GRIA4: variants seen among roughly 807,000 people sequenced by gnomAD.
GRIA4 encodes glutamate ionotropic receptor AMPA type subunit 4.
In GRIA4, 34 loss-of-function variants were observed where a neutral mutation model predicts 104.0. The observed-to-expected ratio is 0.33, with a 90% CI of 0.25 to 0.44. GRIA4 has a LOEUF of 0.44. Among genes scored for constraint, GRIA4 ranks in the 20% least tolerant of loss-of-function variants. The pLI is 1.00. For missense variants in GRIA4, 750 were observed against 1,096.5 expected, an observed-to-expected ratio of 0.68 and a Z score of 4.46; for synonymous variants, 386 against 381.9, an observed-to-expected ratio of 1.01 and a Z score of -0.13.
chr11:105,820,761 T>A lies in GRIA4; in HGVS notation c.488-41263T>A, dbSNP rs144942377. 4.9e-4 allele frequency among the ~76,000 whole-genome samples: 74 copies of A among 152,256 alleles called. 4 individuals carry two copies. The highest frequency in any genetic ancestry group is 1.7e-3 in the African/African-American group (70 of 41,560). ...GTCAATTTCACTGAATTTTAAGATCTTTAGAGACAGGGTCAGAAATGTAAT... is the reference window on the plus strand; with the variant it reads ...GTCAATTTCACTGAATTTTAAGATCATTAGAGACAGGGTCAGAAATGTAAT... On this transcript the variant is annotated intron_variant, in intron 4 of 16. Coordinates refer to ENST00000282499, the MANE Select transcript of GRIA4 (RefSeq NM_000829.4).
At chr11:105,913,516 T>G (rs1947316054) in intron 10 of GRIA4, 1 of 735,120 alleles carries the variant, frequency 1.4e-6, no homozygotes, top group African/African-American at 1.9e-5. Flanking sequence ...ACCATATTGA[T>G]TTAACTTTTT....
At chr11:105,944,963 C>T (rs1172884947) in intron 14 of GRIA4, among the ~76,000 whole-genome samples, 2 of 152,184 alleles carry the variant, frequency 1.3e-5, no homozygotes, top group Non-Finnish European at 2.9e-5. Flanking sequence ...CAGCTAATGA[C>T]CATTTAATTC....
intron 3 of GRIA4, among the ~76,000 whole-genome samples, chr11:105,660,356 T>C (rs1469059344): frequency 2.0e-5 from 3 of 151,692 alleles, no homozygotes; most frequent in African/African-American, 4.8e-5. Context: ...ATAAAAAGTA[T>C]TGAATGTCCA....
chr11:105,851,818 A>G (rs1221197956), intron 4 of GRIA4, among the ~76,000 whole-genome samples: 3 of 151,976 alleles, frequency 2.0e-5, no homozygotes, highest in African/African-American at 7.2e-5. Context: ...CCTTTCCCTT[A>G]TTTTCCTTCA....
intron 3 of GRIA4, among the ~76,000 whole-genome samples, chr11:105,675,590 A>G (rs1455133634): frequency 2.0e-5 from 3 of 151,662 alleles, no homozygotes; most frequent in Non-Finnish European, 4.4e-5. Context: ...TCTTTGACCT[A>G]TTTTCTTAAG....
chr11:105,673,436 A>T (rs1333598174), intron 3 of GRIA4, among the ~76,000 whole-genome samples: 3 of 152,148 alleles, frequency 2.0e-5, no homozygotes, highest in Non-Finnish European at 4.4e-5. Context: ...AATATGTGAA[A>T]AAGAATATAG....
At chr11:105,752,383 A>T (rs532183296) in intron 3 of GRIA4, among the ~76,000 whole-genome samples, 2 of 152,262 alleles carry the variant, frequency 1.3e-5, no homozygotes, top group East Asian at 3.9e-4. Flanking sequence ...TAGCAGCCTA[A>T]CGTCTGTTTT....
intron 15 of GRIA4, among the ~76,000 whole-genome samples, chr11:105,973,283 G>A (rs1858790363): frequency 6.6e-6 from 1 of 152,146 alleles, no homozygotes; most frequent in South Asian, 2.1e-4. Context: ...CTGCTGAGAA[G>A]ATAATGACTA....
At chr11:105,775,405 A>T (rs1338576285) in intron 4 of GRIA4, among the ~76,000 whole-genome samples, 1 of 152,196 alleles carries the variant, frequency 6.6e-6, no homozygotes, top group African/African-American at 2.4e-5. Flanking sequence ...CATGCTAAAG[A>T]TACTATATAT....
intron 3 of GRIA4, among the ~76,000 whole-genome samples, chr11:105,653,632 A>T (rs1375587080): frequency 6.6e-6 from 1 of 152,228 alleles, no homozygotes; most frequent in Non-Finnish European, 1.5e-5. Flanking sequence ...TGGCCAACCA[A>T]TAAGGTTATA....
intron 4 of GRIA4, among the ~76,000 whole-genome samples, chr11:105,852,303 G>A (rs893883781): frequency 6.6e-5 from 10 of 152,070 alleles, no homozygotes; most frequent in Admixed American, 2.0e-4. Flanking sequence ...TGAAGAATCC[G>A]CAATCTACTT....
At position 105,630,671 on chromosome 11, in the gene GRIA4, CAAGT is replaced by C. The variant is rs145666846; in HGVS notation, c.247+18241_247+18244del. 4.9e-3 allele frequency among the ~76,000 whole-genome samples: 736 copies of C among 151,664 alleles called. 10 individuals are homozygous for C. The highest frequency in any genetic ancestry group is 0.017 in the African/African-American group (695 of 41,340). The stretch of plus-strand genomic sequence containing the variant: ...TGTTTTAAATCAATTTTTGAGTACC[CAAGT>C]AAGGCATTAATGAAAAAAATGATTA... On this transcript the variant is annotated intron_variant, in intron 3 of 16. Coordinates refer to ENST00000282499, the MANE Select transcript of GRIA4 (RefSeq NM_000829.4).
chr11:105,675,981 C>A (rs1198780648), intron 3 of GRIA4, among the ~76,000 whole-genome samples: 1 of 151,696 alleles, frequency 6.6e-6, no homozygotes, highest in African/African-American at 2.4e-5. Context: ...TGTTTTCAAT[C>A]CTTTCATGTT....
At chr11:105,950,909 C>A (rs191283458) in intron 14 of GRIA4, among the ~76,000 whole-genome samples, 1 of 151,926 alleles carries the variant, frequency 6.6e-6, no homozygotes, top group Admixed American at 6.6e-5. Flanking sequence ...GATAGGAAAC[C>A]AAAGGTATCC....
intron 5 of GRIA4, among the ~76,000 whole-genome samples, chr11:105,866,631 A>G (rs912073821): frequency 8.1e-5 from 12 of 148,156 alleles, no homozygotes; most frequent in African/African-American, 3.0e-4. Flanking sequence ...CAAAACCGAT[A>G]CATTTTCTGC....
intron 3 of GRIA4, among the ~76,000 whole-genome samples, chr11:105,703,550 C>G (rs1398566521): frequency 6.6e-6 from 1 of 152,132 alleles, no homozygotes; most frequent in African/African-American, 2.4e-5. Context: ...CTTATTACAA[C>G]TATGTTAAAG....
At chr11:105,748,664 T>C (rs1939816149) in intron 3 of GRIA4, among the ~76,000 whole-genome samples, 1 of 152,198 alleles carries the variant, frequency 6.6e-6, no homozygotes, top group Non-Finnish European at 1.5e-5. Context: ...ATTACAGGCA[T>C]GAGCCACCGC....
At chr11:105,911,278 T>C (rs1947226466) in intron 10 of GRIA4, among the ~76,000 whole-genome samples, 1 of 152,048 alleles carries the variant, frequency 6.6e-6, no homozygotes, top group African/African-American at 2.4e-5. Flanking sequence ...AAAGAGATTC[T>C]CATGAAATTA....
intron 3 of GRIA4, among the ~76,000 whole-genome samples, chr11:105,656,102 C>CATAT (rs1951835841): frequency 1.3e-5 from 2 of 152,272 alleles, no homozygotes; most frequent in South Asian, 4.1e-4. Context: ...AGCTTCTCTT[C>CATAT]ATATATTGGT....
Sources: allele counts gnomAD v4.1 joint callset (sites outside exome capture counted in the v4.1 genomes callset), GRCh38; gene constraint gnomAD v4.1.1; transcripts MANE v1.5; gene names NCBI Gene and HGNC (gene_info 2026-07-23, HGNC 2026-07-21).